Variants in PTPN11 observed in about 807,000 individuals in gnomAD.
The protein encoded by PTPN11 is protein tyrosine phosphatase non-receptor type 11.
PTPN11 carries 6 observed loss-of-function variants against 78.8 expected under a neutral mutation model. That is an observed-to-expected ratio of 0.08 (90% CI 0.04 to 0.15). PTPN11 has a LOEUF of 0.15. Ranked by LOEUF, PTPN11 falls within the 10% of genes least tolerant of loss-of-function variation. The pLI is 1.00. For synonymous variants in PTPN11, 221 were observed against 263.5 expected (o/e 0.84, Z 1.56); for missense variants, 386 against 744.8 (o/e 0.52, Z 5.61).
At chr12:112,492,051 G>A (rs1030105687) in intron 13 of PTPN11, among the ~76,000 whole-genome samples, 2 of 152,186 alleles carry the variant, frequency 1.3e-5, no homozygotes, top group Non-Finnish European at 2.9e-5. Context: ...CAGTTTCTCA[G>A]TCATTCTTTA....
At position 112,482,694 on chromosome 12, in the gene PTPN11, A is replaced by G. The variant is rs1446976643; in HGVS notation, c.1224+489A>G. 2.0e-5 allele frequency among the ~76,000 whole-genome samples: 3 copies of G among 152,218 alleles called. No homozygotes were observed. Among genetic ancestry groups the G allele is most frequent in the African/African-American group, 4.8e-5 (2 of 41,446 alleles). The stretch of plus-strand genomic sequence containing the variant: ...TCCTTCCTTTGGAATGGAATATTAT[A>G]TAAAATGGCAGAATAAACTGGAAGA... On this transcript the variant is annotated intron_variant, in intron 10 of 15. Transcript: ENST00000351677. This position sits in a 1 kb window ranked among gnomAD's most constrained non-coding sequence, Gnocchi z 4.4.
intron 5 of PTPN11, chr12:112,454,881 G>A (rs1176691994): frequency 3.4e-6 from 2 of 596,322 alleles, no homozygotes; most frequent in African/African-American, 2.1e-5. Context: ...GTACAGTGTT[G>A]CAATCTTGGC....
intron 13 of PTPN11, among the ~76,000 whole-genome samples, chr12:112,494,303 T>C (rs1163368028): frequency 2.0e-5 from 3 of 152,220 alleles, no homozygotes; most frequent in African/African-American, 7.2e-5. Context: ...TAAAAACCAT[T>C]GCCATGACCA....
intron 13 of PTPN11, among the ~76,000 whole-genome samples, chr12:112,492,250 TTAC>T (rs1369391610): frequency 6.6e-6 from 1 of 152,292 alleles, no homozygotes; most frequent in Admixed American, 6.5e-5. Context: ...ATCTGATTCA[TTAC>T]TAGTGGTGTT....
chr12:112,497,674 T>A (rs2135925178), intron 13 of PTPN11, among the ~76,000 whole-genome samples: 1 of 152,264 alleles, frequency 6.6e-6, no homozygotes, highest in African/African-American at 2.4e-5. Context: ...TCCAGCATGG[T>A]TGGAGTAGAA....
Position 112,446,468 on chromosome 12 carries a change from A to G in PTPN11, c.137+70A>G, listed in dbSNP as rs889147785. On this transcript the variant is annotated intron_variant, in intron 2 of 15. Transcript: ENST00000351677. ...TAGGAAGTGGTAAAACCATGCTTGG[A>G]TAGCTTGCTGCCTGCATTTCGAGTT... The G allele has an allele frequency of 2.0e-5, 32 of 1,606,620 alleles. No individual in the cohort carries two copies. The Admixed American group carries it at 2.0e-4, about 10-fold the overall frequency.
chr12:112,496,043 G>T (rs2038810239), intron 13 of PTPN11, among the ~76,000 whole-genome samples: 1 of 152,178 alleles, frequency 6.6e-6, no homozygotes, highest in African/African-American at 2.4e-5. Context: ...ATTGAAACTG[G>T]AATGACTAGT....
At chr12:112,488,953 A>G in intron 12 of PTPN11, 71 bp from the exon 13 acceptor site, 1 of 1,582,628 alleles carries the variant, frequency 6.3e-7, no homozygotes, top group Non-Finnish European at 8.7e-7. Flanking sequence ...AGTCCACTAA[A>G]AGTTGTGCAT....
intron 1 of PTPN11, among the ~76,000 whole-genome samples, chr12:112,423,997 C>T (rs2037565179): frequency 6.6e-6 from 1 of 152,086 alleles, no homozygotes; most frequent in African/African-American, 2.4e-5. Flanking sequence ...AGCTGTCTGC[C>T]TGCCTCGGCC....
At chr12:112,465,908 A>G (rs2038319044) in intron 6 of PTPN11, among the ~76,000 whole-genome samples, 1 of 152,242 alleles carries the variant, frequency 6.6e-6, no homozygotes, top group Admixed American at 6.5e-5. Flanking sequence ...TGAGTTGGGC[A>G]GATATCCCAA....
intron 11 of PTPN11, among the ~76,000 whole-genome samples, chr12:112,487,775 T>G (rs1760853540): frequency 6.6e-6 from 1 of 152,152 alleles, no homozygotes. Flanking sequence ...TTCTTCTATT[T>G]CAATAACTTT....
At chr12:112,453,872 A>G (rs1195897875) in intron 4 of PTPN11, among the ~76,000 whole-genome samples, 1 of 151,672 alleles carries the variant, frequency 6.6e-6, no homozygotes, top group Non-Finnish European at 1.5e-5. Flanking sequence ...GTGGTCTTGA[A>G]CTAGTGCTCA....
chr12:112,419,877 A>G (rs1215336419), intron 1 of PTPN11, among the ~76,000 whole-genome samples: 1 of 152,216 alleles, frequency 6.6e-6, no homozygotes, highest in Non-Finnish European at 1.5e-5. Context: ...AAATGACAAG[A>G]TTTGAAACTT....
Position 112,443,506 on chromosome 12 carries a change from G to A in PTPN11, c.15-2770G>A, listed in dbSNP as rs1415605185. Among the ~76,000 whole-genome samples the A allele has an allele frequency of 5.3e-5, 8 of 151,488 alleles. 1 individual carries two copies. The East Asian group carries it at 1.4e-3, about 26-fold the overall frequency. On this transcript the variant is annotated intron_variant, in intron 1 of 15. Transcript: ENST00000351677. ...CCCGAGTAACTGGGATTGCAGGCCTGCGCCACCTTGCCCAGCTAATTTTGG... is the reference window on the plus strand; with the variant it reads ...CCCGAGTAACTGGGATTGCAGGCCTACGCCACCTTGCCCAGCTAATTTTGG...
chr12:112,473,537 C>T (rs1443043606), intron 7 of PTPN11, among the ~76,000 whole-genome samples: 1 of 152,044 alleles, frequency 6.6e-6, no homozygotes, highest in East Asian at 1.9e-4. Flanking sequence ...AGGGTATATA[C>T]CTAAACTGCT....
At chr12:112,470,665 A>T (rs2038400705) in intron 6 of PTPN11, among the ~76,000 whole-genome samples, 1 of 151,556 alleles carries the variant, frequency 6.6e-6, no homozygotes, top group Non-Finnish European at 1.5e-5. Flanking sequence ...CACCTCAGTG[A>T]AGTGTCATGC....
intron 6 of PTPN11, among the ~76,000 whole-genome samples, chr12:112,470,404 A>C (rs928967065): frequency 1.3e-5 from 2 of 152,224 alleles, no homozygotes; most frequent in Non-Finnish European, 2.9e-5. Context: ...TGGGGGTAGA[A>C]AGGATTGTGC....
rs370878456 is a variant in PTPN11, at chr12:112,453,393, T to C, written c.525+6T>C. On this transcript the variant is annotated splice_donor_region_variant and intron_variant, in intron 4 of 15. Transcript: ENST00000351677. ...ATGTTATGATTCGCTGTCAGGTAAATCTCCAGTTGAAAAATGGGTCTGGCA... is the reference window on the plus strand; with the variant it reads ...ATGTTATGATTCGCTGTCAGGTAAACCTCCAGTTGAAAAATGGGTCTGGCA... 16 of 1,613,712 alleles carry C rather than the reference T, an allele frequency of 9.9e-6. No individual in the cohort carries two copies. The highest frequency in any genetic ancestry group is 1.3e-5 in the African/African-American group (1 of 74,908).
Position 112,504,545 on chromosome 12 carries a change from C to G in PTPN11, c.1713-150C>G. On this transcript the variant is annotated intron_variant, in intron 14 of 15. Transcript: ENST00000351677. The surrounding 1 kb of genome is among the most constrained non-coding windows in gnomAD (Gnocchi z 4.7). ...ATTGCTGTATGGCTATCTCTTCTCT[C>G]CCTGGGAATGTCAGGTCCTAGGCAC... 3.0e-6 allele frequency: 2 copies of G among 659,560 alleles called. No individual in the cohort carries two copies. Among genetic ancestry groups the G allele is most frequent in the East Asian group, 2.8e-5 (1 of 35,674 alleles). 40.9% of individuals were successfully genotyped at this position (659,560 alleles called of 1,614,324 possible). A position where few individuals can be genotyped will look rare whatever the true frequency, so the allele number is the denominator to read the frequency against.
Sources: gnomAD v4.1 joint callset for allele counts (sites outside exome capture counted in the v4.1 genomes callset) on GRCh38, gnomAD v4.1.1 for gene constraint, Gnocchi (gnomAD v3.1) non-coding constraint, MANE v1.5 for transcripts, NCBI Gene and HGNC (gene_info 2026-07-23, HGNC 2026-07-21) for gene names.